NRG3: variants seen among roughly 807,000 people sequenced by gnomAD.
The protein encoded by NRG3 is neuregulin 3, also known as pro-neuregulin-3, membrane-bound isoform.
In NRG3, 31 loss-of-function variants were observed where a neutral mutation model predicts 66.9. The observed-to-expected ratio is 0.46, with a 90% confidence interval of 0.35 to 0.63. The LOEUF is 0.63. Among genes scored for constraint, NRG3 ranks in the 20% least tolerant of loss-of-function variants. The pLI is 0.00. For missense variants in NRG3, 910 were observed against 878.9 expected (o/e 1.04, Z -0.45); for synonymous variants, 393 against 359.4 (o/e 1.09, Z -1.06).
intron 1 of NRG3, among the ~76,000 whole-genome samples, chr10:82,271,710 G>T (rs924120173): frequency 1.3e-5 from 2 of 152,020 alleles, no homozygotes; most frequent in African/African-American, 4.8e-5. Flanking sequence ...TAGAGTTTTG[G>T]TGCTGCTGTC....
At chr10:82,624,725 CATATATA>C (rs2049290898) in intron 2 of NRG3, among the ~76,000 whole-genome samples, 1 of 147,486 alleles carries the variant, frequency 6.8e-6, no homozygotes, top group Non-Finnish European at 1.5e-5. Flanking sequence ...ATACTATATA[CATATATA>C]ATATTTAATA....
intron 3 of NRG3, among the ~76,000 whole-genome samples, chr10:82,791,593 C>T (rs1006900349): frequency 6.6e-6 from 1 of 152,110 alleles, no homozygotes; most frequent in Admixed American, 6.6e-5. Flanking sequence ...GAGAGTAGGG[C>T]CTGCTGGGAT....
intron 2 of NRG3, among the ~76,000 whole-genome samples, chr10:82,421,774 G>T (rs371580200): frequency 1.3e-5 from 2 of 151,992 alleles, no homozygotes; most frequent in African/African-American, 4.8e-5. Context: ...CAGTTCCTGA[G>T]TAGCTGTAAT....
intron 4 of NRG3, among the ~76,000 whole-genome samples, chr10:82,881,116 C>G (rs1365544936): frequency 2.0e-5 from 3 of 152,178 alleles, no homozygotes; most frequent in African/African-American, 7.2e-5. Context: ...CCCAAATTAC[C>G]TCAGCAACTA....
intron 1 of NRG3, among the ~76,000 whole-genome samples, chr10:82,096,592 G>A (rs962071041): frequency 5.3e-5 from 8 of 152,146 alleles, no homozygotes; most frequent in Middle Eastern, 3.4e-3. Flanking sequence ...AACAAAGAGA[G>A]TGAGAAACTT....
chr10:82,810,146 T>C (rs1211957856), intron 3 of NRG3, among the ~76,000 whole-genome samples: 1 of 152,190 alleles, frequency 6.6e-6, no homozygotes, highest in Non-Finnish European at 1.5e-5. Flanking sequence ...AGGCAGAGGT[T>C]CTTAATTGTA....
chr10:82,166,479 T>G (rs2072070470), intron 1 of NRG3, among the ~76,000 whole-genome samples: 1 of 152,068 alleles, frequency 6.6e-6, no homozygotes, highest in African/African-American at 2.4e-5. Context: ...GTAGGAAAAT[T>G]GCCTTACAAT....
In NRG3 at chr10:82,365,251, G is replaced by A. The variant is rs55882644; in HGVS notation, c.953+6383G>A. On this transcript the variant is annotated intron_variant, in intron 2 of 8. Transcript: ENST00000372141. ...AAATGGAGTTTTGGCACACATCCCT[G>A]AATTCCATCGACAGGAGGGAATGAA... Among the ~76,000 whole-genome samples, 218 of 152,266 alleles carry A rather than the reference G, an allele frequency of 1.4e-3. 1 individual carries two copies. The highest frequency in any genetic ancestry group is 5.0e-3 in the African/African-American group (208 of 41,558).
intron 4 of NRG3, among the ~76,000 whole-genome samples, chr10:82,943,635 G>A (rs1433263642): frequency 6.6e-6 from 1 of 152,178 alleles, no homozygotes; most frequent in Non-Finnish European, 1.5e-5. Flanking sequence ...GATCCCAGAA[G>A]ATGGGATGGT....
At chr10:81,987,651 A>G (rs1376460399) in intron 1 of NRG3, among the ~76,000 whole-genome samples, 1 of 152,224 alleles carries the variant, frequency 6.6e-6, no homozygotes, top group Non-Finnish European at 1.5e-5. Flanking sequence ...GTTGATCAAT[A>G]TGAATGACAC....
chr10:82,282,779 C>G (rs532956620), intron 1 of NRG3, among the ~76,000 whole-genome samples: 3 of 152,198 alleles, frequency 2.0e-5, no homozygotes, highest in South Asian at 4.1e-4. Context: ...CAGCTGTGTC[C>G]ATGCCTGTGG....
At chr10:82,762,046 T>G (rs1168133702) in intron 3 of NRG3, among the ~76,000 whole-genome samples, 1 of 151,106 alleles carries the variant, frequency 6.6e-6, no homozygotes, top group Non-Finnish European at 1.5e-5. Context: ...TTCTTTTCCT[T>G]TCTCTCTTTC....
chr10:82,315,939 G>A (rs61864203), intron 1 of NRG3, among the ~76,000 whole-genome samples: 19 of 152,116 alleles, frequency 1.2e-4, no homozygotes, highest in African/African-American at 3.4e-4. Flanking sequence ...GAGCCACTGC[G>A]CCCGGCCCAT....
intron 1 of NRG3, among the ~76,000 whole-genome samples, chr10:82,299,133 A>G (rs77150908): frequency 0.027 from 4,058 of 152,206 alleles, 82 homozygotes; most frequent in Middle Eastern, 0.068. Flanking sequence ...GCTTCTAGAC[A>G]AAAGACCTGG....
At chr10:81,955,089 T>C (rs1849696868) in intron 1 of NRG3, among the ~76,000 whole-genome samples, 1 of 149,612 alleles carries the variant, frequency 6.7e-6, no homozygotes, top group Non-Finnish European at 1.5e-5. Flanking sequence ...ATACCTGTTA[T>C]AAAATATATG....
chr10:82,939,096 T>C (rs185509114), intron 4 of NRG3, among the ~76,000 whole-genome samples: 221 of 152,342 alleles, frequency 1.5e-3, no homozygotes, highest in African/African-American at 5.0e-3. Context: ...CAGTGCATAT[T>C]AGACATATTA....
intron 1 of NRG3, among the ~76,000 whole-genome samples, chr10:82,131,739 A>T (rs2068836830): frequency 6.6e-6 from 1 of 152,090 alleles, no homozygotes; most frequent in South Asian, 2.1e-4. Context: ...TTCATTGTAG[A>T]TAACTTTAAT....
chr10:82,502,724 C>G (rs1437084989), intron 2 of NRG3, among the ~76,000 whole-genome samples: 1 of 152,014 alleles, frequency 6.6e-6, no homozygotes, highest in Non-Finnish European at 1.5e-5. Context: ...TCAGTCCTGC[C>G]TTAAATCACA....
At chr10:82,149,985 G>A (rs375121985) in intron 1 of NRG3, among the ~76,000 whole-genome samples, 4 of 152,066 alleles carry the variant, frequency 2.6e-5, no homozygotes, top group Non-Finnish European at 4.4e-5. Context: ...CAGGAATCCC[G>A]ACGAGATGGA....
Sources: gnomAD v4.1 joint callset for allele counts (sites outside exome capture counted in the v4.1 genomes callset) on GRCh38, gnomAD v4.1.1 for gene constraint, MANE v1.5 for transcripts, NCBI Gene and HGNC (gene_info 2026-07-23, HGNC 2026-07-21) for gene names.